Variants in PCDHA9 observed in about 807,000 individuals in gnomAD.
PCDHA9 encodes protocadherin alpha-9.
Under a neutral mutation model 62.0 loss-of-function variants are expected in PCDHA9, and 62 were observed. The ratio of observed to expected loss-of-function variants is 1.00; its 90% confidence interval spans 0.81 to 1.23. The LOEUF (loss-of-function observed/expected upper bound fraction) is 1.23. Ranked by LOEUF, PCDHA9 falls within the 50% of genes most tolerant of loss-of-function variation. PCDHA9 has a pLI of 0.00. For missense variants in PCDHA9, 1,205 were observed against 1,249.8 expected (o/e 0.96, Z 0.54); for synonymous variants, 557 against 567.6 (o/e 0.98, Z 0.27).
At chr5:140,940,965 A>G (rs2092710706) in intron 1 of PCDHA9, among the ~76,000 whole-genome samples, 1 of 152,226 alleles carries the variant, frequency 6.6e-6, no homozygotes, top group Admixed American at 6.5e-5. Context: ...AATATGCAGG[A>G]TATCTGGTAT....
chr5:140,979,514 C>G lies in PCDHA9; in HGVS notation c.2453+507C>G, dbSNP rs75440413. On this transcript the variant is annotated intron_variant, in intron 2 of 3. Transcript: ENST00000532602. Reference sequence around the variant, plus strand: ...ATTAGAGCCTCCTCATCTTTCCCATCTGTTGCTATCTTATTGTCATCAATG... The same window carrying G: ...ATTAGAGCCTCCTCATCTTTCCCATGTGTTGCTATCTTATTGTCATCAATG... 4.7e-4 allele frequency among the ~76,000 whole-genome samples: 71 copies of G among 152,274 alleles called. 1 individual carries two copies. In the East Asian group the frequency reaches 0.014, roughly 29 times the overall value.
At chr5:140,902,206 T>TC (rs2069239214) in intron 1 of PCDHA9, among the ~76,000 whole-genome samples, 1 of 145,724 alleles carries the variant, frequency 6.9e-6, no homozygotes, top group South Asian at 2.1e-4. Flanking sequence ...TCTCTTTCTT[T>TC]TTTTTTTTTT....
Position 140,884,599 on chromosome 5 carries a change from T to C in PCDHA9, c.2394+33710T>C, listed in dbSNP as rs1490825306. 3 of 1,614,042 alleles carry C rather than the reference T, an allele frequency of 1.9e-6. No homozygotes were observed. In the East Asian group the frequency reaches 6.7e-5, roughly 36 times the overall value. ...TCATGGCCTTCAGTCCCAGCCTTCC[T>C]CCTTGTCTGGGTTCTGCAGAGGGAA... On this transcript the variant is annotated intron_variant, in intron 1 of 3. Transcript: ENST00000532602.
chr5:140,856,572 A>C (rs782165615), intron 1 of PCDHA9: 1 of 1,597,762 alleles, frequency 6.3e-7, no homozygotes, highest in East Asian at 2.2e-5. Flanking sequence ...AGTCCAAATG[A>C]GTATTTTGTT....
intron 1 of PCDHA9, chr5:140,927,831 G>T: frequency 6.2e-7 from 1 of 1,614,186 alleles, no homozygotes; most frequent in Non-Finnish European, 8.5e-7. Flanking sequence ...TTGAGGCGAG[G>T]GACGAAGGTG....
chr5:140,996,136 C>A (rs1484642740), intron 3 of PCDHA9, among the ~76,000 whole-genome samples: 1 of 152,104 alleles, frequency 6.6e-6, no homozygotes, highest in African/African-American at 2.4e-5. Context: ...GAGGGTTCTC[C>A]CATTATCTTG....
At chr5:140,929,057 C>T (rs17844370) in intron 1 of PCDHA9, 1 of 1,614,070 alleles carries the variant, frequency 6.2e-7, no homozygotes, top group Non-Finnish European at 8.5e-7. Flanking sequence ...TGTCGCTCTA[C>T]AGAGGATCTG....
chr5:140,927,401 G>A lies in PCDHA9; in HGVS notation c.2395-51548G>A, dbSNP rs782140870. On this transcript the variant is annotated intron_variant, in intron 1 of 3. Transcript: ENST00000532602. ...AGCCTAAGCCCCAGTCAGCACTTTCGCCTGGACATGGGATCGCGGGTTGAC... is the reference window on the plus strand; with the variant it reads ...AGCCTAAGCCCCAGTCAGCACTTTCACCTGGACATGGGATCGCGGGTTGAC... The A allele has an allele frequency of 1.9e-6, 3 of 1,614,192 alleles. No homozygotes were observed. Among genetic ancestry groups the A allele is most frequent in the Non-Finnish European group, 2.5e-6 (3 of 1,180,036 alleles).
chr5:140,874,557 G>T (rs782715249), intron 1 of PCDHA9, among the ~76,000 whole-genome samples: 3 of 152,146 alleles, frequency 2.0e-5, no homozygotes, highest in African/African-American at 7.2e-5. Flanking sequence ...GAGATCTTTC[G>T]CATTTTAGTG....
At chr5:140,967,380 A>C in intron 1 of PCDHA9, 3 of 1,608,302 alleles carry the variant, frequency 1.9e-6, no homozygotes, top group Non-Finnish European at 2.6e-6. Flanking sequence ...GAGAACAGTA[A>C]AGTGCTTGAG....
Position 141,010,319 on chromosome 5 carries a change from C to G in PCDHA9, c.*382C>G. The G allele has an allele frequency of 6.5e-7, 1 of 1,545,436 alleles. No individual in the cohort carries two copies. Among genetic ancestry groups the G allele is most frequent in the South Asian group, 1.2e-5 (1 of 83,248 alleles). On this transcript the variant is annotated 3_prime_UTR_variant, in exon 4 of 4. Coordinates refer to ENST00000532602, the MANE Select transcript of PCDHA9 (RefSeq NM_031857.2). ...CAGGCTGAAAAGTTTTGAGATTGAG[C>G]AGCTTGGGAGTTTGTGGCCACTGGG...
intron 1 of PCDHA9, chr5:140,877,604 T>C: frequency 6.2e-7 from 1 of 1,613,886 alleles, no homozygotes. Flanking sequence ...TCCAGCCTGC[T>C]GGTGCTCACG....
chr5:140,969,148 G>A, intron 1 of PCDHA9: 2 of 1,614,102 alleles, frequency 1.2e-6, no homozygotes, highest in Non-Finnish European at 8.5e-7. Context: ...ACTGCTACAA[G>A]GCCTGTCTGA....
intron 1 of PCDHA9, among the ~76,000 whole-genome samples, chr5:140,907,756 C>A (rs183321184): frequency 6.6e-6 from 1 of 152,146 alleles, no homozygotes; most frequent in African/African-American, 2.4e-5. Flanking sequence ...TGTTCATGGG[C>A]CCATTGGGTG....
At chr5:140,998,210 A>G (rs2097801454) in intron 3 of PCDHA9, among the ~76,000 whole-genome samples, 1 of 152,218 alleles carries the variant, frequency 6.6e-6, no homozygotes, top group South Asian at 2.1e-4. Flanking sequence ...TTTAATCTGT[A>G]TAACCACACC....
At chr5:140,974,731 C>T (rs2096638633) in intron 1 of PCDHA9, among the ~76,000 whole-genome samples, 1 of 152,140 alleles carries the variant, frequency 6.6e-6, no homozygotes, top group Non-Finnish European at 1.5e-5. Context: ...GAACTCCTGT[C>T]TCCACCTTGG....
At chr5:140,941,240 T>TTTC (rs2092939181) in intron 1 of PCDHA9, among the ~76,000 whole-genome samples, 2 of 141,590 alleles carry the variant, frequency 1.4e-5, no homozygotes, top group Non-Finnish European at 3.0e-5. Flanking sequence ...TCTTTCTTTC[T>TTTC]TTCTTTCTTT....
intron 1 of PCDHA9, chr5:140,867,342 T>C (rs1397691528): frequency 6.6e-6 from 1 of 152,154 alleles, no homozygotes; most frequent in Non-Finnish European, 1.5e-5. Flanking sequence ...GATTAGAGGC[T>C]ACTATGATTG....
chr5:140,863,992 C>T (rs1554158598), intron 1 of PCDHA9: 3 of 152,876 alleles, frequency 2.0e-5, no homozygotes, highest in African/African-American at 7.3e-5. Context: ...CAGGGTGAAA[C>T]TCTGTCTTAA....
Sources: allele counts gnomAD v4.1 joint callset (sites outside exome capture counted in the v4.1 genomes callset), GRCh38; gene constraint gnomAD v4.1.1; transcripts MANE v1.5; gene names NCBI Gene and HGNC (gene_info 2026-07-23, HGNC 2026-07-21).